CAMK1D: variants seen among roughly 807,000 people sequenced by gnomAD.
The protein encoded by CAMK1D is calcium/calmodulin-dependent protein kinase type 1D.
CAMK1D carries 9 observed loss-of-function variants against 47.7 expected under a neutral mutation model. That is an observed-to-expected ratio of 0.19 (90% CI 0.11 to 0.33). The LOEUF is 0.33. Ranked by LOEUF, CAMK1D falls within the 10% of genes least tolerant of loss-of-function variation. CAMK1D has a pLI of 1.00. For missense variants in CAMK1D, 291 were observed against 488.7 expected (o/e 0.60, Z 3.81); for synonymous variants, 184 against 184.9 (o/e 0.99, Z 0.04).
chr10:12,404,404 A>G (rs935833686), intron 1 of CAMK1D, among the ~76,000 whole-genome samples: 1 of 152,244 alleles, frequency 6.6e-6, no homozygotes, highest in African/African-American at 2.4e-5. Flanking sequence ...GGGCAAATCC[A>G]GACCTTTTCT....
intron 1 of CAMK1D, among the ~76,000 whole-genome samples, chr10:12,427,896 C>T (rs554402222): frequency 8.6e-5 from 13 of 151,036 alleles, no homozygotes; most frequent in South Asian, 2.1e-4. Flanking sequence ...TTAGTAGAGA[C>T]GGGGTTTCAC....
At chr10:12,682,130 G>GA (rs1832467624) in intron 3 of CAMK1D, among the ~76,000 whole-genome samples, 1 of 152,226 alleles carries the variant, frequency 6.6e-6, no homozygotes, top group African/African-American at 2.4e-5. Flanking sequence ...TGAGGCAGGA[G>GA]AATGGCGTGA....
At chr10:12,551,737 CA>C (rs1836589203) in intron 1 of CAMK1D, among the ~76,000 whole-genome samples, 1 of 151,994 alleles carries the variant, frequency 6.6e-6, no homozygotes, top group East Asian at 1.9e-4. Flanking sequence ...GACTCCGTCT[CA>C]AAAAAATGAA....
chr10:12,782,037 A>T (rs962950206), intron 5 of CAMK1D, among the ~76,000 whole-genome samples: 5 of 147,714 alleles, frequency 3.4e-5, no homozygotes, highest in Admixed American at 2.1e-4. Context: ...CTCATGAATG[A>T]CAGCTCTAGG....
chr10:12,623,157 C>CT (rs1839063394), intron 2 of CAMK1D, among the ~76,000 whole-genome samples: 2 of 8,336 alleles, frequency 2.4e-4, no homozygotes, highest in African/African-American at 3.8e-4. Context: ...TCCTTCCTCC[C>CT]TCCTTTCTTT....
At chr10:12,712,503 G>C (rs781427619) in intron 3 of CAMK1D, among the ~76,000 whole-genome samples, 1 of 152,210 alleles carries the variant, frequency 6.6e-6, no homozygotes. Flanking sequence ...AGAGCAAGGT[G>C]GTGGCTGATT....
chr10:12,574,788 C>T (rs1220544707), intron 2 of CAMK1D, among the ~76,000 whole-genome samples: 2 of 152,142 alleles, frequency 1.3e-5, no homozygotes, highest in Admixed American at 1.3e-4. Context: ...TCTGGGGATG[C>T]CTCAGAAAGC....
chr10:12,454,870 A>G (rs751695228), intron 1 of CAMK1D, among the ~76,000 whole-genome samples: 2 of 152,236 alleles, frequency 1.3e-5, no homozygotes, highest in Non-Finnish European at 2.9e-5. Context: ...GGTGAATGAC[A>G]GTTAGCTGTT....
At chr10:12,682,960 C>G (rs1237774604) in intron 3 of CAMK1D, among the ~76,000 whole-genome samples, 3 of 151,248 alleles carry the variant, frequency 2.0e-5, no homozygotes, top group Non-Finnish European at 4.4e-5. Context: ...GTGTCTCTAT[C>G]TCCTAGGCTG....
intron 1 of CAMK1D, among the ~76,000 whole-genome samples, chr10:12,507,652 T>C (rs1417059324): frequency 6.6e-6 from 1 of 152,186 alleles, no homozygotes; most frequent in African/African-American, 2.4e-5. Flanking sequence ...ACAGAGGCAC[T>C]GCGGATGGGC....
chr10:12,595,235 T>C (rs1179503866), intron 2 of CAMK1D, among the ~76,000 whole-genome samples: 1 of 147,900 alleles, frequency 6.8e-6, no homozygotes, highest in African/African-American at 2.5e-5. Context: ...CCAGCTACTC[T>C]GGAGGCTGAG....
chr10:12,365,949 G>A (rs998265277), intron 1 of CAMK1D, among the ~76,000 whole-genome samples: 10 of 152,132 alleles, frequency 6.6e-5, no homozygotes, highest in Non-Finnish European at 1.5e-4. Flanking sequence ...CCAGCTACTC[G>A]GGAGGCTGAG....
Position 12,589,607 on chromosome 10 carries a change from C to G in CAMK1D, c.224+36251C>G, listed in dbSNP as rs141473979. ...TGAGCAAGTAACAAATCTTCCCTGG[C>G]CCTTTTCTTACCAGTGAAAATGTCT... On this transcript the variant is annotated intron_variant, in intron 2 of 10. Coordinates refer to ENST00000619168, the MANE Select transcript of CAMK1D (RefSeq NM_153498.4). Among the ~76,000 whole-genome samples the G allele has an allele frequency of 3.3e-5, 5 of 152,320 alleles. No homozygotes were observed. The East Asian group carries it at 9.6e-4, about 29-fold the overall frequency.
intron 2 of CAMK1D, among the ~76,000 whole-genome samples, chr10:12,609,725 C>G (rs2132408504): frequency 6.6e-6 from 1 of 152,284 alleles, no homozygotes; most frequent in East Asian, 1.9e-4. Flanking sequence ...TGCTGCCCCC[C>G]TCTTGCTGTG....
intron 6 of CAMK1D, among the ~76,000 whole-genome samples, chr10:12,812,186 G>C (rs961623149): frequency 6.6e-6 from 1 of 152,232 alleles, no homozygotes; most frequent in African/African-American, 2.4e-5. Flanking sequence ...CTTGTGTGCT[G>C]ACAGCCTAAT....
chr10:12,585,365 G>A (rs563687163), intron 2 of CAMK1D, among the ~76,000 whole-genome samples: 8 of 152,170 alleles, frequency 5.3e-5, no homozygotes, highest in Non-Finnish European at 8.8e-5. Flanking sequence ...AGCTGCCTCC[G>A]CCTGGGGTCT....
chr10:12,473,111 T>G (rs918131654), intron 1 of CAMK1D, among the ~76,000 whole-genome samples: 10 of 151,736 alleles, frequency 6.6e-5, no homozygotes, highest in African/African-American at 2.2e-4. Context: ...GGGGAGAGGG[T>G]GCGCCAGGTG....
Position 12,729,206 on chromosome 10 carries a change from G to A in CAMK1D, c.300-31742G>A, listed in dbSNP as rs1834781402. 2.0e-5 allele frequency among the ~76,000 whole-genome samples: 3 copies of A among 152,184 alleles called. No homozygotes were observed. The South Asian group carries it at 6.2e-4, about 32-fold the overall frequency. On this transcript the variant is annotated intron_variant, in intron 3 of 10. Transcript: ENST00000619168. ...CAGCAAATCTGGCTGAATATGTGCT[G>A]AGTGCCCGTGGCTGTTCTAGGTTAC...
intron 1 of CAMK1D, among the ~76,000 whole-genome samples, chr10:12,485,295 A>G (rs1588540915): frequency 6.6e-6 from 1 of 151,904 alleles, no homozygotes; most frequent in Admixed American, 6.6e-5. Context: ...GTCCCTGGGG[A>G]GCAGAAGGAC....
Sources: allele counts gnomAD v4.1 joint callset (sites outside exome capture counted in the v4.1 genomes callset), GRCh38; gene constraint gnomAD v4.1.1; transcripts MANE v1.5; gene names NCBI Gene and HGNC (gene_info 2026-07-23, HGNC 2026-07-21).